ABCF2: variants seen among roughly 807,000 people sequenced by gnomAD.
ABCF2 encodes the protein ATP-binding cassette sub-family F member 2.
ABCF2 carries 37 observed loss-of-function variants against 76.9 expected under a neutral mutation model. That is an observed-to-expected ratio of 0.48 (90% CI 0.37 to 0.63). The LOEUF is 0.63. Ranked by LOEUF, ABCF2 falls within the 30% of genes least tolerant of loss-of-function variation. The pLI is 0.00. For missense variants in ABCF2, 524 were observed against 782.1 expected (o/e 0.67, Z 3.94); for synonymous variants, 299 against 283.7 (o/e 1.05, Z -0.54).
chr7:151,214,704 G>C lies in ABCF2; in HGVS notation c.1734+175C>G, dbSNP rs1802115525. On this transcript the variant is annotated intron_variant, in intron 14 of 14. Transcript: ENST00000287844. The surrounding 1 kb of genome is among the most constrained non-coding windows in gnomAD (Gnocchi z 4.9). The stretch of plus-strand genomic sequence containing the variant: ...GAAGAAATGAAGTGTTTCAGTTAAG[G>C]CTTTCTAAGTAGCCCCAAAGAGGCA... 6.6e-6 allele frequency among the ~76,000 whole-genome samples: 1 copy of C among 152,124 alleles called. No homozygotes were observed. The highest frequency in any genetic ancestry group is 2.4e-5 in the African/African-American group (1 of 41,418).
In ABCF2 at chr7:151,212,223, G is replaced by A. The variant is rs889664886; in HGVS notation, c.*1831C>T. 13 of 985,434 alleles carry A rather than the reference G, an allele frequency of 1.3e-5. No homozygotes were observed. The highest frequency in any genetic ancestry group is 1.2e-4 in the African/African-American group (7 of 57,366). The allele number at this position is 985,434 out of a possible 1,614,324, so 61.0% of individuals were successfully genotyped here. On this transcript the variant is annotated 3_prime_UTR_variant, in exon 15 of 15. Transcript: ENST00000287844. ...TCCCATAGGGATGGCTGATTTCAGA[G>A]GCAGAGTGATGAATCCACACCAGGA...
chr7:151,212,441 C>G lies in ABCF2; in HGVS notation c.*1613G>C, dbSNP rs1802065311. The G allele has an allele frequency of 1.0e-6, 1 of 985,498 alleles. No individual in the cohort carries two copies. Among genetic ancestry groups the G allele is most frequent in the Middle Eastern group, 5.2e-4 (1 of 1,914 alleles). 61.0% of individuals were successfully genotyped at this position (985,498 alleles called of 1,614,324 possible). Reference sequence around the variant, plus strand: ...TGAAAATGCAAACTCCTGGCCATCTCTGCACCTCTCTCATTCTACCAAATG... The same window carrying G: ...TGAAAATGCAAACTCCTGGCCATCTGTGCACCTCTCTCATTCTACCAAATG... On this transcript the variant is annotated 3_prime_UTR_variant, in exon 15 of 15. Transcript: ENST00000287844.
rs372637391 is a variant in ABCF2 at position 151,215,928 on chromosome 7, C to T, written c.1401+39G>A. On this transcript the variant is annotated intron_variant, in intron 12 of 14. Coordinates refer to ENST00000287844, the MANE Select transcript of ABCF2 (RefSeq NM_007189.3). The surrounding 1 kb of genome is among the most constrained non-coding windows in gnomAD (Gnocchi z 4.6). ...CAGCCAGATACAGCCCCTCCCTATA[C>T]CCTGGGCAATTCCCCGGATCCCAAC... 5.6e-6 allele frequency: 9 copies of T among 1,608,700 alleles called. No individual in the cohort carries two copies. The highest frequency in any genetic ancestry group is 1.7e-5 in the Admixed American group (1 of 59,962).
chr7:151,223,165 T>G (rs1802305691), intron 5 of ABCF2, among the ~76,000 whole-genome samples: 1 of 152,052 alleles, frequency 6.6e-6, no homozygotes, highest in Non-Finnish European at 1.5e-5. Context: ...GAGAAGTATA[T>G]CAAGTCTTAT....
In ABCF2 at chr7:151,214,233, T is replaced by G; in HGVS notation, c.1735-42A>C. The stretch of plus-strand genomic sequence containing the variant: ...GGACTTAATCCTGGGCTAGTCACTG[T>G]CCCTGCCTCTGCCCAGCAGACTGTC... On this transcript the variant is annotated intron_variant, in intron 14 of 14. Coordinates refer to ENST00000287844, the MANE Select transcript of ABCF2 (RefSeq NM_007189.3). The surrounding 1 kb of genome is among the most constrained non-coding windows in gnomAD (Gnocchi z 4.9). 6.2e-7 allele frequency: 1 copy of G among 1,613,882 alleles called. No individual in the cohort carries two copies. The highest frequency in any genetic ancestry group is 8.5e-7 in the Non-Finnish European group (1 of 1,179,918).
rs535092104 is a variant in ABCF2, at chr7:151,226,297, C to A, written c.154+8G>T. The A allele has an allele frequency of 1.2e-4, 189 of 1,612,736 alleles. No individual in the cohort carries two copies. In the South Asian group the frequency reaches 2.0e-3, roughly 17 times the overall value. Reference sequence around the variant, plus strand: ...AACCATCCCCAACTCACCCCTCCCTCAATTCACCTGTGGTCTCTCTGCCAT... The same window carrying A: ...AACCATCCCCAACTCACCCCTCCCTAAATTCACCTGTGGTCTCTCTGCCAT... On this transcript the variant is annotated splice_region_variant and intron_variant, in intron 2 of 14. Transcript: ENST00000287844.
chr7:151,213,556 C>T lies in ABCF2; in HGVS notation c.*498G>A, dbSNP rs2414. Reference sequence around the variant, plus strand: ...GGCGCTTTGTAGATGTCACGCAGGTCTAAAAGTTACACTGCTAAATAATTA... The same window carrying T: ...GGCGCTTTGTAGATGTCACGCAGGTTTAAAAGTTACACTGCTAAATAATTA... On this transcript the variant is annotated 3_prime_UTR_variant, in exon 15 of 15. Coordinates refer to ENST00000287844, the MANE Select transcript of ABCF2 (RefSeq NM_007189.3). The T allele has an allele frequency of 0.38, 378,916 of 985,870 alleles. 74,356 individuals are homozygous for T. The highest frequency in any genetic ancestry group is 0.71 in the East Asian group (6,240 of 8,778). 61.1% of individuals were successfully genotyped at this position (985,870 alleles called of 1,614,324 possible).
Position 151,224,852 on chromosome 7 carries a change from A to T in ABCF2, c.291T>A (p.Gly97=). 6.2e-7 allele frequency: 1 copy of T among 1,614,208 alleles called. No individual in the cohort carries two copies. The highest frequency in any genetic ancestry group is 1.1e-5 in the South Asian group (1 of 91,086). ...GTTTGGTGTCACTGAGCAGCTCTTG[A>T]CCATGAAAGGTAAGTGAGAGGTTGA... The part of the protein sequence containing the change: ...HIINLSLTFH[G]QELLSDTKLE... The change falls in exon 3 of 15, where the codon GGT becomes GGA. Residue 97 remains glycine, a synonymous_variant. Transcript: ENST00000287844.
In ABCF2 at chr7:151,212,184, T is replaced by C; in HGVS notation, c.*1870A>G. 1.0e-6 allele frequency: 1 copy of C among 985,370 alleles called. No homozygotes were observed. Among genetic ancestry groups the C allele is most frequent in the Non-Finnish European group, 1.2e-6 (1 of 829,914 alleles). 61.0% of individuals were successfully genotyped at this position (985,370 alleles called of 1,614,324 possible). On this transcript the variant is annotated 3_prime_UTR_variant, in exon 15 of 15. Coordinates refer to ENST00000287844, the MANE Select transcript of ABCF2 (RefSeq NM_007189.3). Reference sequence around the variant, plus strand: ...TGGCTGTATTATGAGTACTGAAAAATCATGGCTGTGTCTTCCCATAGGGAT... The same window carrying C: ...TGGCTGTATTATGAGTACTGAAAAACCATGGCTGTGTCTTCCCATAGGGAT...
Position 151,218,868 on chromosome 7 carries a change from G to A in ABCF2, c.1023C>T (p.Tyr341=), listed in dbSNP as rs200508522. 2.9e-5 allele frequency: 46 copies of A among 1,613,480 alleles called. No homozygotes were observed. The East Asian group carries it at 7.1e-4, about 25-fold the overall frequency. The change falls in exon 9 of 15, where the codon TAC becomes TAT. Residue 341 remains tyrosine, a synonymous_variant. Coordinates refer to ENST00000287844, the MANE Select transcript of ABCF2 (RefSeq NM_007189.3). ...EQDQIAHMKN[Y]IARFGHGSAK... ...CACTGCCATGACCAAACCTCGCAAT[G>A]TAGTTCTAAAAAAGACCAAAGAGAG... is the stretch of plus-strand genomic sequence containing the variant.
chr7:151,211,622 C>G lies in ABCF2; in HGVS notation c.*2432G>C. Reference sequence around the variant, plus strand: ...AAGATCTCCTGTCCTAGTATGGAGACTCTGGAGATCCCGAGACTACCTGAA... The same window carrying G: ...AAGATCTCCTGTCCTAGTATGGAGAGTCTGGAGATCCCGAGACTACCTGAA... On this transcript the variant is annotated 3_prime_UTR_variant, in exon 15 of 15. Transcript: ENST00000287844. 1 of 985,326 alleles carries G rather than the reference C, an allele frequency of 1.0e-6. No individual in the cohort carries two copies. The highest frequency in any genetic ancestry group is 5.2e-4 in the Middle Eastern group (1 of 1,914). 61.0% of individuals were successfully genotyped at this position (985,326 alleles called of 1,614,324 possible). A position where few individuals can be genotyped will look rare whatever the true frequency, so the allele number is the denominator to read the frequency against.
intron 2 of ABCF2, among the ~76,000 whole-genome samples, chr7:151,225,282 C>T (rs1802350155): frequency 6.6e-6 from 1 of 152,310 alleles, no homozygotes; most frequent in South Asian, 2.1e-4. Context: ...CTTTCTAAGT[C>T]CCCCTTTTCT....
chr7:151,214,863 C>T lies in ABCF2; in HGVS notation c.1734+16G>A, dbSNP rs773482157. On this transcript the variant is annotated intron_variant, in intron 14 of 14. Coordinates refer to ENST00000287844, the MANE Select transcript of ABCF2 (RefSeq NM_007189.3). The surrounding 1 kb of genome is among the most constrained non-coding windows in gnomAD (Gnocchi z 4.9). ...TAGAAGCTCTGCTGTGCCTCACCCC[C>T]TGGCCAGGGCCTCACCTGCTGAATG... The T allele has an allele frequency of 1.2e-6, 2 of 1,613,990 alleles. No homozygotes were observed. Among genetic ancestry groups the T allele is most frequent in the South Asian group, 2.2e-5 (2 of 91,074 alleles).
rs1023336426 is a variant in ABCF2, at chr7:151,213,783, G to GT, written c.*270dup. 10 of 1,264,026 alleles carry GT rather than the reference G, an allele frequency of 7.9e-6. No homozygotes were observed. Among genetic ancestry groups the GT allele is most frequent in the African/African-American group, 4.6e-5 (3 of 64,926 alleles). The allele number at this position is 1,264,026 out of a possible 1,614,324, so 78.3% of individuals were successfully genotyped here. The stretch of plus-strand genomic sequence containing the variant: ...TGCCTCTGACTGCATCACACTCAGA[G>GT]TAAGATAACCAGCAAGGGGCTGGAG... On this transcript the variant is annotated 3_prime_UTR_variant, in exon 15 of 15. Transcript: ENST00000287844.
At chr7:151,226,639 A>G in intron 1 of ABCF2, 139 bp from the exon 2 acceptor site, 1 of 645,726 alleles carries the variant, frequency 1.5e-6, no homozygotes, top group Non-Finnish European at 2.5e-6. Flanking sequence ...CGTCTGTTCC[A>G]ACTTGGTCAG....
At position 151,215,700 on chromosome 7, in the gene ABCF2, T is replaced by C. The variant is rs7786151; in HGVS notation, c.1434A>G (p.Ser478=). 0.099 allele frequency: 160,063 copies of C among 1,613,918 alleles called. 8,571 individuals carry two copies. The highest frequency in any genetic ancestry group is 0.16 in the Admixed American group (9,392 of 59,978). Residue 478 remains serine, a synonymous_variant, in exon 13 of 15, where the codon TCA becomes TCG. Transcript: ENST00000287844. The surrounding 1 kb of genome is among the most constrained non-coding windows in gnomAD (Gnocchi z 4.6). ...AGCACTTCATCATGTACTCCAAAGG[T>C]GAGAGATCTAAGTCCAGCTGCTCTT... ...HLQEQLDLDL[S]PLEYMMKCYP...
chr7:151,217,276 C>T (rs1032840062), intron 11 of ABCF2, among the ~76,000 whole-genome samples: 1 of 152,170 alleles, frequency 6.6e-6, no homozygotes, highest in Admixed American at 6.5e-5. Flanking sequence ...ACTGGAACCA[C>T]TGAGACGTTC....
chr7:151,224,228 ACCTTTCTTC>A, intron 3 of ABCF2, 114 bp from the exon 4 acceptor site: 2 of 944,688 alleles, frequency 2.1e-6, no homozygotes, highest in Non-Finnish European at 3.2e-6. Context: ...TTTTTTGAGG[ACCTTTCTTC>A]CCTTCATTCG....
At chr7:151,224,139 T>G (rs767685105) in intron 3 of ABCF2, 25 bp from the exon 4 acceptor site, 10 of 1,613,314 alleles carry the variant, frequency 6.2e-6, no homozygotes, top group African/African-American at 1.3e-5. Flanking sequence ...CAGCAGACGC[T>G]TGGTACAGTG....
Sources: allele counts gnomAD v4.1 joint callset (sites outside exome capture counted in the v4.1 genomes callset), GRCh38; gene constraint gnomAD v4.1.1; non-coding constraint Gnocchi (gnomAD v3.1); transcripts MANE v1.5; gene names NCBI Gene and HGNC (gene_info 2026-07-23, HGNC 2026-07-21).